TPH1: variants seen among roughly 807,000 people sequenced by gnomAD.
The protein encoded by TPH1 is tryptophan 5-hydroxylase 1.
Under a neutral mutation model 49.5 loss-of-function variants are expected in TPH1, and 37 were observed. That is an observed-to-expected ratio of 0.75 (90% CI 0.58 to 0.98). TPH1 has a LOEUF of 0.98. Among genes scored for constraint, TPH1 ranks in the 50% least tolerant of loss-of-function variants. The probability of loss-of-function intolerance (pLI) is 0.00; values close to 1 mark genes in which losing one functional copy is unlikely to be tolerated. For missense variants in TPH1, 487 were observed against 523.6 expected (o/e 0.93, Z 0.68); for synonymous variants, 160 against 182.1 (o/e 0.88, Z 0.98).
At chr11:18,034,979 G>A (rs1442639969) in intron 3 of TPH1, among the ~76,000 whole-genome samples, 1 of 152,162 alleles carries the variant, frequency 6.6e-6, no homozygotes, top group East Asian at 1.9e-4. Context: ...GTTTCATCAG[G>A]CATTGGATTC....
In TPH1 at chr11:18,033,280, G is replaced by T; in HGVS notation, c.396C>A (p.Asp132Glu). 1.2e-6 allele frequency: 2 copies of T among 1,612,328 alleles called. No homozygotes were observed. Among genetic ancestry groups the T allele is most frequent in the Middle Eastern group, 3.3e-4 (2 of 6,058 alleles). Residue 132 changes from aspartate (D) to glutamate (E), a missense_variant, in exon 4 of 11, where the codon GAC (aspartate) becomes GAA (glutamate). Physicochemically the swap from Asp to Glu is conservative, Grantham distance 45. Transcript: ENST00000682019. ...AAAAAAAGAAAATACTTACAGGATGGTCTGCATCTAGTTCAGATCCATACA... is the reference window on the plus strand; with the variant it reads ...AAAAAAAGAAAATACTTACAGGATGTTCTGCATCTAGTTCAGATCCATACA... ...VLMYGSELDA[D>E]HPGFKDNVYR...
At chr11:18,040,853 A>G in intron 1 of TPH1, 65 bp from the exon 2 acceptor site, 1 of 1,445,092 alleles carries the variant, frequency 6.9e-7, no homozygotes, top group South Asian at 1.2e-5. Context: ...AATATTTGAT[A>G]ACTAAGGGCT....
In TPH1 at chr11:18,020,315, A is replaced by G. The variant is rs1237818114; in HGVS notation, c.*676T>C. On this transcript the variant is annotated 3_prime_UTR_variant, in exon 11 of 11. Coordinates refer to ENST00000682019, the MANE Select transcript of TPH1 (RefSeq NM_004179.3). ...CTAATGCCTAAAAAATAAAGTCTCG[A>G]ATTTTTAGCCTAGTCTTAATGATTA... 1 of 153,544 alleles carries G rather than the reference A, an allele frequency of 6.5e-6. No individual in the cohort carries two copies. The highest frequency in any genetic ancestry group is 1.4e-5 in the Non-Finnish European group (1 of 69,040). The allele number at this position is 153,544 out of a possible 1,614,324, so 9.5% of individuals were successfully genotyped here. A position where few individuals can be genotyped will look rare whatever the true frequency, so the allele number is the denominator to read the frequency against.
At chr11:18,033,428 T>A in intron 3 of TPH1, 54 bp from the exon 4 acceptor site, 1 of 1,308,128 alleles carries the variant, frequency 7.6e-7, no homozygotes, top group Non-Finnish European at 1.1e-6. Context: ...GAAGAGATAA[T>A]CTTAAACAAG....
chr11:18,018,655 G>C lies in TPH1; in HGVS notation c.*2336C>G, dbSNP rs1218617299. On this transcript the variant is annotated 3_prime_UTR_variant, in exon 11 of 11. Transcript: ENST00000682019. ...CACTCCAGCCTGGGCGACAGAGCAA[G>C]ACTCCGTCTCAAAAAAAAAAAAAAA... 1.1e-5 allele frequency: 1 copy of C among 88,642 alleles called. No homozygotes were observed. Among genetic ancestry groups the C allele is most frequent in the Non-Finnish European group, 2.0e-5 (1 of 49,928 alleles). 5.5% of individuals were successfully genotyped at this position (88,642 alleles called of 1,614,324 possible). A position where few individuals can be genotyped will look rare whatever the true frequency, so the allele number is the denominator to read the frequency against.
chr11:18,033,243 A>G (rs753063845), intron 4 of TPH1, 31 bp downstream of exon 4: 1 of 1,520,572 alleles, frequency 6.6e-7, no homozygotes, highest in Admixed American at 1.7e-5. Context: ...GCAGAGCAAG[A>G]CTTGCTCTTA....
At chr11:18,035,272 T>C (rs550758442) in intron 3 of TPH1, among the ~76,000 whole-genome samples, 7 of 152,318 alleles carry the variant, frequency 4.6e-5, no homozygotes, top group Admixed American at 2.0e-4. Flanking sequence ...GATTGTGAAT[T>C]ATAGGTTTGT....
intron 1 of TPH1, among the ~76,000 whole-genome samples, chr11:18,045,627 G>A (rs571129460): frequency 2.0e-5 from 3 of 152,288 alleles, no homozygotes; most frequent in Admixed American, 6.5e-5. Context: ...GCAAGGTTGA[G>A]TTCACACGGA....
At chr11:18,029,022 G>A (rs1478294230) in intron 6 of TPH1, 143 bp downstream of exon 6, 1 of 623,706 alleles carries the variant, frequency 1.6e-6, no homozygotes, top group Non-Finnish European at 2.7e-6. Flanking sequence ...AGAGGCTGCA[G>A]TGAGCCAAGA....
chr11:18,032,221 C>T (rs1425836706), intron 4 of TPH1, among the ~76,000 whole-genome samples: 1 of 152,118 alleles, frequency 6.6e-6, no homozygotes, highest in Non-Finnish European at 1.5e-5. Context: ...CCAACTCTTG[C>T]CTGTACTGTA....
At chr11:18,045,891 C>T (rs1848136037) in intron 1 of TPH1, among the ~76,000 whole-genome samples, 1 of 152,140 alleles carries the variant, frequency 6.6e-6, no homozygotes, top group Non-Finnish European at 1.5e-5. Flanking sequence ...TTTCTGCCAA[C>T]ATAGAGGAGT....
intron 1 of TPH1, among the ~76,000 whole-genome samples, chr11:18,043,642 A>C (rs183784983): frequency 6.6e-6 from 1 of 152,236 alleles, no homozygotes; most frequent in East Asian, 1.9e-4. Context: ...CAACAACAAC[A>C]AAAACTATTA....
rs370870295 is a variant in TPH1, at chr11:18,020,594, C to T, written c.*397G>A. On this transcript the variant is annotated 3_prime_UTR_variant, in exon 11 of 11. Transcript: ENST00000682019. ...GATCTTAGGTAACAATATGAGTCAG[C>T]GCCATAATACTCCTCAAGTTATTCT... is the stretch of plus-strand genomic sequence containing the variant. The T allele has an allele frequency of 2.1e-5, 4 of 187,000 alleles. No individual in the cohort carries two copies. The highest frequency in any genetic ancestry group is 7.1e-5 in the African/African-American group (3 of 42,274). 11.6% of individuals were successfully genotyped at this position (187,000 alleles called of 1,614,324 possible). A position where few individuals can be genotyped will look rare whatever the true frequency, so the allele number is the denominator to read the frequency against.
At chr11:18,024,043 C>T (rs761710803) in intron 8 of TPH1, 60 bp from the exon 9 acceptor site, 90 of 1,344,238 alleles carry the variant, frequency 6.7e-5, no homozygotes, top group Non-Finnish European at 8.8e-5. Flanking sequence ...AAACAAATTA[C>T]AATTCTTAGT....
At position 18,031,784 on chromosome 11, in the gene TPH1, C is replaced by T. The variant is rs1020779865; in HGVS notation, c.402+1490G>A. On this transcript the variant is annotated intron_variant, in intron 4 of 10. Coordinates refer to ENST00000682019, the MANE Select transcript of TPH1 (RefSeq NM_004179.3). Reference sequence around the variant, plus strand: ...TTCCCTCCTGAATTGTTCTTCCTTTCCATCTCTTATCTCCTGAAATCTTTT... The same window carrying T: ...TTCCCTCCTGAATTGTTCTTCCTTTTCATCTCTTATCTCCTGAAATCTTTT... 3.3e-5 allele frequency among the ~76,000 whole-genome samples: 5 copies of T among 152,138 alleles called. No homozygotes were observed. The East Asian group carries it at 7.7e-4, about 23-fold the overall frequency.
rs1422900313 is a variant in TPH1 at position 18,022,788 on chromosome 11, T to A, written c.1160+10A>T. On this transcript the variant is annotated intron_variant, in intron 10 of 10. Transcript: ENST00000682019. The stretch of plus-strand genomic sequence containing the variant: ...GAAGAAAATGAAGGCGTGAAGAAGA[T>A]ATACTGTACCTCATCTTCTCCTTTG... 1 of 1,612,484 alleles carries A rather than the reference T, an allele frequency of 6.2e-7. No individual in the cohort carries two copies. The highest frequency in any genetic ancestry group is 2.2e-5 in the East Asian group (1 of 44,828).
rs1310997619 is a variant in TPH1, at chr11:18,017,983, T to C, written c.*3008A>G. 1 of 152,116 alleles carries C rather than the reference T, an allele frequency of 6.6e-6. No individual in the cohort carries two copies. The highest frequency in any genetic ancestry group is 2.4e-5 in the African/African-American group (1 of 41,412). The allele number at this position is 152,116 out of a possible 1,614,324, so 9.4% of individuals were successfully genotyped here. A position where few individuals can be genotyped will look rare whatever the true frequency, so the allele number is the denominator to read the frequency against. On this transcript the variant is annotated 3_prime_UTR_variant, in exon 11 of 11. Transcript: ENST00000682019. ...GGCTCATGCTTGTAATCCCAGCACT[T>C]TGGGAGGCCGAGGCGGATGGATCAC...
At chr11:18,027,360 AT>A (rs1461749522) in intron 6 of TPH1, among the ~76,000 whole-genome samples, 1 of 152,206 alleles carries the variant, frequency 6.6e-6, no homozygotes, top group African/African-American at 2.4e-5. Context: ...AAAAATTTCC[AT>A]AGTGATAGAA....
chr11:18,029,234 G>C lies in TPH1; in HGVS notation c.598C>G (p.Leu200Val), dbSNP rs752486744. ...TCCCGATATCCACAATATTTAGAAA[G>C]CAAAGGTAAGTTTTTGAGATACTCT... is the stretch of plus-strand genomic sequence containing the variant. Reference protein sequence around the residue: ...CREYLKNLPLLSKYCGYREDN... With the variant: ...CREYLKNLPLVSKYCGYREDN... Residue 200 changes from leucine to valine, a missense_variant, in exon 6 of 11, where the codon CTT (leucine) becomes GTT (valine). Physicochemically the swap from Leu to Val is conservative, Grantham distance 32 (BLOSUM62 1). Coordinates refer to ENST00000682019, the MANE Select transcript of TPH1 (RefSeq NM_004179.3). The C allele has an allele frequency of 5.0e-6, 8 of 1,613,878 alleles. No homozygotes were observed. The highest frequency in any genetic ancestry group is 6.8e-6 in the Non-Finnish European group (8 of 1,179,948).
Sources: allele counts gnomAD v4.1 joint callset (sites outside exome capture counted in the v4.1 genomes callset), GRCh38; gene constraint gnomAD v4.1.1; transcripts MANE v1.5; gene names NCBI Gene and HGNC (gene_info 2026-07-23, HGNC 2026-07-21).